Variants in TCF7 observed in about 807,000 individuals in gnomAD.
The protein encoded by TCF7 is T-cell-factor-7.
A neutral mutation model predicts 46.8 loss-of-function variants in TCF7; 19 were observed. The observed-to-expected ratio is 0.41, with a 90% CI of 0.28 to 0.60. TCF7 has a LOEUF of 0.60. Ranked by LOEUF, TCF7 falls within the 20% of genes least tolerant of loss-of-function variation. TCF7 has a pLI of 0.35. For missense variants in TCF7, 547 were observed against 504.6 expected (o/e 1.08, Z -0.81); for synonymous variants, 245 against 213.4 (o/e 1.15, Z -1.29).
chr5:134,138,211 G>T (rs1373527659), intron 4 of TCF7, 47 bp downstream of exon 4: 2 of 1,553,924 alleles, frequency 1.3e-6, no homozygotes, highest in Admixed American at 1.7e-5. Flanking sequence ...AGAGCCTAAG[G>T]GCCAAGACCC....
chr5:134,142,207 C>T lies in TCF7; in HGVS notation c.658C>T (p.Leu220=), dbSNP rs897463581. ...VSWFTHPSLM[L]GSGVPGHPAA... ...CAGGTTCACCCACCCATCCTTGATG[C>T]TAGGTTCTGGTGTACCTGGTCACCC... Residue 220 remains leucine (L), a synonymous_variant, in exon 6 of 10, where the codon CTA becomes TTA. Coordinates refer to ENST00000342854, the MANE Select transcript of TCF7 (RefSeq NM_003202.5). 1 of 1,614,052 alleles carries T rather than the reference C, an allele frequency of 6.2e-7. No individual in the cohort carries two copies. The highest frequency in any genetic ancestry group is 8.5e-7 in the Non-Finnish European group (1 of 1,179,902).
intron 9 of TCF7, chr5:134,145,407 C>G: frequency 1.8e-6 from 1 of 562,906 alleles, no homozygotes; most frequent in Non-Finnish European, 3.5e-6. Context: ...GGGGAGAGGA[C>G]CCAGGGGGTA....
chr5:134,114,748 G>C lies in TCF7; in HGVS notation c.-159G>C. On this transcript the variant is annotated 5_prime_UTR_variant, in exon 1 of 10. Transcript: ENST00000342854. ...CGGAGCCGCTCTGCCCCGCGCCCTAGCCCGCGCCTGCAGCCCGCCCAGGCG... is the reference window on the plus strand; with the variant it reads ...CGGAGCCGCTCTGCCCCGCGCCCTACCCCGCGCCTGCAGCCCGCCCAGGCG... The C allele has an allele frequency of 4.1e-6, 3 of 728,604 alleles. No individual in the cohort carries two copies. Among genetic ancestry groups the C allele is most frequent in the Non-Finnish European group, 5.0e-6 (3 of 597,158 alleles). The allele number at this position is 728,604 out of a possible 1,614,324, so 45.1% of individuals were successfully genotyped here.
At chr5:134,133,354 G>A (rs749660890) in intron 3 of TCF7, among the ~76,000 whole-genome samples, 13 of 152,176 alleles carry the variant, frequency 8.5e-5, no homozygotes, top group Non-Finnish European at 1.3e-4. Flanking sequence ...GGGGCCTGGT[G>A]GGGACAATCA....
chr5:134,128,095 CCTCCCCTTACA>C (rs779086658), intron 3 of TCF7, among the ~76,000 whole-genome samples: 1 of 152,188 alleles, frequency 6.6e-6, no homozygotes, highest in Non-Finnish European at 1.5e-5. Context: ...GTTCGCTGTC[CCTCCCCTTACA>C]CTCCGTTGCG....
chr5:134,121,981 G>A (rs1756658421), intron 3 of TCF7, among the ~76,000 whole-genome samples: 1 of 152,220 alleles, frequency 6.6e-6, no homozygotes, highest in Admixed American at 6.5e-5. Flanking sequence ...CATTGAATAG[G>A]TTTGTGGTGG....
chr5:134,144,669 C>T (rs1760408963), intron 9 of TCF7: 2 of 702,906 alleles, frequency 2.8e-6, no homozygotes, highest in Non-Finnish European at 5.0e-6. Flanking sequence ...GCCCACTCTG[C>T]CTATGGGGGC....
intron 5 of TCF7, chr5:134,141,962 C>T (rs1290034153): frequency 6.0e-6 from 3 of 498,418 alleles, no homozygotes; most frequent in Admixed American, 7.2e-5. Flanking sequence ...ATGTAGTAAC[C>T]ATCTGAATGG....
chr5:134,127,964 T>A (rs1757560900), intron 3 of TCF7, among the ~76,000 whole-genome samples: 1 of 152,252 alleles, frequency 6.6e-6, no homozygotes, highest in Non-Finnish European at 1.5e-5. Flanking sequence ...TATTAGTTCA[T>A]CTAATCCTCA....
At position 134,114,789 on chromosome 5, in the gene TCF7, C is replaced by G. The variant is rs1329825552; in HGVS notation, c.-118C>G. ...CGCCCAGGCGGAGTCAGCCCGCGCT[C>G]CGCCCGCCGCGATCCGAGCTCGGAG... On this transcript the variant is annotated 5_prime_UTR_variant, in exon 1 of 10. Transcript: ENST00000342854. 3.4e-5 allele frequency: 32 copies of G among 944,794 alleles called. 1 individual carries two copies. The highest frequency in any genetic ancestry group is 3.6e-5 in the Non-Finnish European group (29 of 794,900). The allele number at this position is 944,794 out of a possible 1,614,324, so 58.5% of individuals were successfully genotyped here.
At position 134,115,011 on chromosome 5, in the gene TCF7, CA is replaced by C; in HGVS notation, c.107del (p.Lys36ArgfsTer21). 1 of 1,255,848 alleles carries C rather than the reference CA, an allele frequency of 8.0e-7. No homozygotes were observed. Among genetic ancestry groups the C allele is most frequent in the East Asian group, 4.7e-5 (1 of 21,144 alleles). 77.8% of individuals were successfully genotyped at this position (1,255,848 alleles called of 1,614,324 possible). On this transcript the variant is annotated frameshift_variant, in exon 1 of 10. Transcript: ENST00000342854. LOFTEE classifies it high-confidence loss of function. ...FQDEGEEQDD[K>X]SRDSAAGPER... Reference sequence around the variant, plus strand: ...AGGATGAAGGCGAGGAGCAGGACGACAAGAGCCGCGACAGCGCCGCCGGTCC... The same window carrying C: ...AGGATGAAGGCGAGGAGCAGGACGACAGAGCCGCGACAGCGCCGCCGGTCC...
chr5:134,143,494 C>T (rs764163480), intron 8 of TCF7, 98 bp from the exon 9 acceptor site: 33 of 1,451,112 alleles, frequency 2.3e-5, no homozygotes, highest in Middle Eastern at 1.7e-4. Flanking sequence ...GGGGCCTGTA[C>T]GCCCAGAATC....
intron 3 of TCF7, among the ~76,000 whole-genome samples, chr5:134,129,060 C>T (rs1757737048): frequency 6.6e-6 from 1 of 152,172 alleles, no homozygotes; most frequent in Admixed American, 6.5e-5. Flanking sequence ...GCCAAGAACC[C>T]CAAAGGGCCA....
At chr5:134,109,781 A>AAAAAAG (rs1433789513), upstream of TCF7, among the ~76,000 whole-genome samples, 1 of 7,578 alleles carries the variant, frequency 1.3e-4, no homozygotes, top group African/African-American at 2.7e-4. Flanking sequence ...AAAAAAAAAA[A>AAAAAAG]AAAAAAAAAA....
At chr5:134,126,274 C>T (rs1757332766) in intron 3 of TCF7, among the ~76,000 whole-genome samples, 1 of 152,128 alleles carries the variant, frequency 6.6e-6, no homozygotes, top group South Asian at 2.1e-4. Context: ...CCCCAGAGCT[C>T]GCTGGCAGCC....
intron 6 of TCF7, 54 bp downstream of exon 6, chr5:134,142,358 T>TC: frequency 7.7e-7 from 1 of 1,306,488 alleles, no homozygotes; most frequent in African/African-American, 1.7e-5. Context: ...TACACATGCC[T>TC]CCCCACCAGG....
At position 134,142,796 on chromosome 5, in the gene TCF7, G is replaced by A; in HGVS notation, c.831G>A (p.Met277Ile). ...PTIKKPLNAF[M>I]LYMKEMRAKV... The stretch of plus-strand genomic sequence containing the variant: ...TCAAGAAGCCCCTCAATGCCTTCAT[G>A]CTGTACATGAAGGAGATGAGAGCCA... The change falls in exon 7 of 10, where the codon ATG (methionine) becomes ATA (isoleucine). Residue 277 changes from methionine (M) to isoleucine (I), a missense_variant. Around this residue, in one of 3 missense-constraint regions of TCF7, gnomAD observed 32 missense variants for 65.9 expected, o/e 0.49. Transcript: ENST00000342854. 6.2e-7 allele frequency: 1 copy of A among 1,614,212 alleles called. No homozygotes were observed. The highest frequency in any genetic ancestry group is 8.5e-7 in the Non-Finnish European group (1 of 1,180,026).
At chr5:134,144,999 C>T (rs562746364) in intron 9 of TCF7, 97 of 795,830 alleles carry the variant, frequency 1.2e-4, no homozygotes, top group Admixed American at 1.0e-3. Flanking sequence ...GATTGGGAGC[C>T]CAGGCCTCCT....
chr5:134,129,262 C>T (rs1173866070), intron 3 of TCF7, among the ~76,000 whole-genome samples: 1 of 152,224 alleles, frequency 6.6e-6, no homozygotes, highest in African/African-American at 2.4e-5. Context: ...GTGGGGGCTG[C>T]CATCTCTAAA....
Sources: gnomAD v4.1 joint callset for allele counts (sites outside exome capture counted in the v4.1 genomes callset) on GRCh38, gnomAD v4.1.1 for gene constraint, gnomAD v4.1.1 regional missense constraint, MANE v1.5 for transcripts, NCBI Gene and HGNC (gene_info 2026-07-23, HGNC 2026-07-21) for gene names.